Variants in RBM33 observed in about 807,000 individuals in gnomAD.
RBM33 encodes RNA-binding protein 33.
Under a neutral mutation model 132.6 loss-of-function variants are expected in RBM33, and 28 were observed. The observed-to-expected ratio is 0.21, with a 90% CI of 0.16 to 0.29. The LOEUF is 0.29. Among genes scored for constraint, RBM33 ranks in the 10% least tolerant of loss-of-function variants. The pLI, the probability that RBM33 is intolerant of heterozygous loss-of-function variation, is 1.00. For synonymous variants in RBM33, 634 were observed against 593.0 expected, an observed-to-expected ratio of 1.07 and a Z score of -1.01; for missense variants, 1,291 against 1,518.5, an observed-to-expected ratio of 0.85 and a Z score of 2.49.
intron 5 of RBM33, among the ~76,000 whole-genome samples, chr7:155,690,939 A>C (rs534916470): frequency 3.3e-5 from 5 of 152,080 alleles, no homozygotes; most frequent in African/African-American, 1.2e-4. Context: ...TCTGACAATT[A>C]TGTGTCTTGG....
At chr7:155,754,068 C>A (rs755323811) in intron 14 of RBM33, among the ~76,000 whole-genome samples, 3 of 152,306 alleles carry the variant, frequency 2.0e-5, no homozygotes, top group East Asian at 1.9e-4. Context: ...CATTCTTAAT[C>A]ATGTGGCCTC....
rs1802788619 is a variant in RBM33 at position 155,780,704 on chromosome 7, A to T, written c.*5663A>T. 6.6e-6 allele frequency: 1 copy of T among 152,006 alleles called. No individual in the cohort carries two copies. The highest frequency in any genetic ancestry group is 1.5e-5 in the Non-Finnish European group (1 of 68,128). 9.4% of individuals were successfully genotyped at this position (152,006 alleles called of 1,614,324 possible). On this transcript the variant is annotated 3_prime_UTR_variant, in exon 18 of 18. Coordinates refer to ENST00000401878, the MANE Select transcript of RBM33 (RefSeq NM_053043.3). The stretch of plus-strand genomic sequence containing the variant: ...ACTGGGTGAGGGCCGTATTCCTGCC[A>T]CTCTGCTCCGCCTCAGCCTTGAGAA...
In RBM33 at chr7:155,776,550, T is replaced by C. The variant is rs1225840714; in HGVS notation, c.*1509T>C. The stretch of plus-strand genomic sequence containing the variant: ...GAGCTGAAGCAGGTCTTCCAGACCC[T>C]GCGATCCTTTCTGTAGCAGTGATTC... On this transcript the variant is annotated 3_prime_UTR_variant, in exon 18 of 18. Coordinates refer to ENST00000401878, the MANE Select transcript of RBM33 (RefSeq NM_053043.3). This position sits in a 1 kb window ranked among gnomAD's most constrained non-coding sequence, Gnocchi z 4.0. 6.6e-6 allele frequency: 1 copy of C among 152,264 alleles called. No individual in the cohort carries two copies. Among genetic ancestry groups the C allele is most frequent in the African/African-American group, 2.4e-5 (1 of 41,464 alleles). 9.4% of individuals were successfully genotyped at this position (152,264 alleles called of 1,614,324 possible).
chr7:155,654,443 T>A lies in RBM33; in HGVS notation c.43+9524T>A, dbSNP rs1425873378. On this transcript the variant is annotated intron_variant, in intron 1 of 17. Coordinates refer to ENST00000401878, the MANE Select transcript of RBM33 (RefSeq NM_053043.3). The stretch of plus-strand genomic sequence containing the variant: ...TTTCCTAAACTGAGGCTGTGTTGCA[T>A]ATGAAGTATAGATTTCTTACGTTGC... 2.0e-5 allele frequency among the ~76,000 whole-genome samples: 3 copies of A among 152,242 alleles called. No homozygotes were observed. The East Asian group carries it at 5.8e-4, about 29-fold the overall frequency.
At chr7:155,655,534 C>T (rs1349229489) in intron 1 of RBM33, among the ~76,000 whole-genome samples, 19 of 80,126 alleles carry the variant, frequency 2.4e-4, no homozygotes, top group East Asian at 8.7e-4. Context: ...GGCTGTTTGC[C>T]TTTTTTTTTT....
chr7:155,651,493 C>T (rs1285904243), intron 1 of RBM33, among the ~76,000 whole-genome samples: 1 of 146,914 alleles, frequency 6.8e-6, no homozygotes, highest in Non-Finnish European at 1.5e-5. Flanking sequence ...TAGAAGGCTT[C>T]ATGGCTAGGC....
intron 3 of RBM33, among the ~76,000 whole-genome samples, chr7:155,677,987 A>G (rs1249282467): frequency 6.6e-6 from 1 of 152,170 alleles, no homozygotes; most frequent in Non-Finnish European, 1.5e-5. Flanking sequence ...CTAATCTAAG[A>G]TGCTCAAATA....
chr7:155,713,788 A>C (rs535070043), intron 8 of RBM33, among the ~76,000 whole-genome samples: 82 of 152,320 alleles, frequency 5.4e-4, no homozygotes, highest in Non-Finnish European at 1.0e-3. Flanking sequence ...TATTCATTGC[A>C]CTTACAGAAA....
rs1159788267 is a variant in RBM33, at chr7:155,644,777, C to T, written c.-100C>T. ...GCCTCTGCCTCCTGCAGCCCCCTCC[C>T]TTCTCTGTCCTCCGTCACCCGTACC... On this transcript the variant is annotated 5_prime_UTR_variant, in exon 1 of 18. Coordinates refer to ENST00000401878, the MANE Select transcript of RBM33 (RefSeq NM_053043.3). 6.7e-6 allele frequency: 7 copies of T among 1,038,368 alleles called. No homozygotes were observed. Among genetic ancestry groups the T allele is most frequent in the East Asian group, 6.5e-5 (2 of 30,940 alleles). 64.3% of individuals were successfully genotyped at this position (1,038,368 alleles called of 1,614,324 possible).
At chr7:155,763,542 C>T (rs1286148566) in intron 14 of RBM33, among the ~76,000 whole-genome samples, 1 of 152,176 alleles carries the variant, frequency 6.6e-6, no homozygotes, top group Non-Finnish European at 1.5e-5. Flanking sequence ...AATTCGACAA[C>T]ATTTATTTTA....
At chr7:155,679,136 C>T (rs1430728881) in intron 4 of RBM33, among the ~76,000 whole-genome samples, 2 of 152,068 alleles carry the variant, frequency 1.3e-5, no homozygotes, top group Non-Finnish European at 2.9e-5. Flanking sequence ...TGTGCCACTG[C>T]ACTCCAGCCT....
chr7:155,666,564 G>C (rs575678204), intron 2 of RBM33, among the ~76,000 whole-genome samples: 100 of 152,312 alleles, frequency 6.6e-4, no homozygotes, highest in African/African-American at 2.3e-3. Flanking sequence ...GTCTTTCCTA[G>C]AAAAGAAATG....
chr7:155,774,724 A>G lies in RBM33; in HGVS notation c.3464+77A>G. The G allele has an allele frequency of 8.4e-7, 1 of 1,194,666 alleles. No individual in the cohort carries two copies. Among genetic ancestry groups the G allele is most frequent in the Non-Finnish European group, 1.3e-6 (1 of 798,098 alleles). The allele number at this position is 1,194,666 out of a possible 1,614,324, so 74.0% of individuals were successfully genotyped here. ...TCCTTCCTGTGCCCTCCCATCCATC[A>G]TGGTAGCAAGCGTGTGTCCCCACCT... On this transcript the variant is annotated intron_variant, in intron 17 of 17. Transcript: ENST00000401878. The surrounding 1 kb of genome is among the most constrained non-coding windows in gnomAD (Gnocchi z 4.2).
intron 9 of RBM33, among the ~76,000 whole-genome samples, chr7:155,734,461 A>C (rs1801050219): frequency 6.6e-6 from 1 of 152,084 alleles, no homozygotes; most frequent in South Asian, 2.1e-4. Context: ...AGGTGTTATT[A>C]ATTTTGTATT....
intron 2 of RBM33, among the ~76,000 whole-genome samples, chr7:155,669,317 C>T (rs1413946275): frequency 6.6e-6 from 1 of 152,120 alleles, no homozygotes; most frequent in Non-Finnish European, 1.5e-5. Flanking sequence ...ATGAATGTCT[C>T]ATGTGTCCAG....
At chr7:155,676,223 A>G (rs1048929762) in intron 3 of RBM33, among the ~76,000 whole-genome samples, 2 of 152,212 alleles carry the variant, frequency 1.3e-5, no homozygotes, top group African/African-American at 4.8e-5. Context: ...ATTCGTGTCA[A>G]GAAGGTTGTT....
intron 8 of RBM33, among the ~76,000 whole-genome samples, chr7:155,716,707 C>T (rs945126110): frequency 6.6e-6 from 1 of 152,062 alleles, no homozygotes. Context: ...TCCACTTTCT[C>T]CAGTCTAGTG....
chr7:155,708,035 T>C (rs554161584), intron 7 of RBM33, among the ~76,000 whole-genome samples: 1 of 152,354 alleles, frequency 6.6e-6, no homozygotes, highest in South Asian at 2.1e-4. Flanking sequence ...ATTTACTTAA[T>C]ACAAATATGT....
intron 9 of RBM33, among the ~76,000 whole-genome samples, chr7:155,735,506 A>G (rs1801089172): frequency 6.6e-6 from 1 of 152,006 alleles, no homozygotes; most frequent in African/African-American, 2.4e-5. Flanking sequence ...GGCGTTCAAG[A>G]CCAACTTGGG....
Sources: allele counts gnomAD v4.1 joint callset (sites outside exome capture counted in the v4.1 genomes callset), GRCh38; gene constraint gnomAD v4.1.1; non-coding constraint Gnocchi (gnomAD v3.1); transcripts MANE v1.5; gene names NCBI Gene and HGNC (gene_info 2026-07-23, HGNC 2026-07-21).